NYX: variants seen among roughly 807,000 people sequenced by gnomAD.
The protein encoded by NYX is leucine-rich repeat protein.
For missense variants in NYX, 481 were observed against 485.4 expected (o/e 0.99, Z 0.09); for synonymous variants, 258 against 245.7 (o/e 1.05, Z -0.47).
intron 2 of NYX, among the ~76,000 whole-genome samples, chrX:41,462,433 C>T (rs2064323537): frequency 8.9e-6 from 1 of 112,364 alleles, no homozygotes; most frequent in Admixed American, 9.5e-5. Flanking sequence ...ACAGTCCCAC[C>T]TGTTCCACAT....
At position 41,474,850 on chromosome X, in the gene NYX, T is replaced by C. The variant is rs762009375; in HGVS notation, c.1382T>C (p.Leu461Pro). ...CCCTGGTTTCTCCTCGCCTCTTGTC[T>C]CCTGCCCAGCGTGGCCCAGCACGTG... Reference protein sequence around the residue: ...RQPWFLLASCLLPSVAQHVVF... With the variant: ...RQPWFLLASCPLPSVAQHVVF... The change falls in exon 3 of 3, where the codon CTC (leucine) becomes CCC (proline). Residue 461 changes from leucine (L) to proline (P), a missense_variant. Leu to Pro is a moderately conservative substitution (Grantham distance 98, BLOSUM62 -3). Coordinates refer to ENST00000378220, the MANE Select transcript of NYX (RefSeq NM_001378477.3). The C allele has an allele frequency of 1.7e-6, 2 of 1,207,349 alleles. No individual in the cohort carries two copies. Among genetic ancestry groups the C allele is most frequent in the Non-Finnish European group, 2.2e-6 (2 of 894,265 alleles).
chrX:41,452,482 T>C (rs191165215), intron 2 of NYX, among the ~76,000 whole-genome samples: 113 of 111,714 alleles, frequency 1.0e-3, no homozygotes, highest in African/African-American at 3.6e-3. Context: ...TCAGGCAACA[T>C]GTATGTGAGA....
chrX:41,461,164 C>G (rs1176706022), intron 2 of NYX, among the ~76,000 whole-genome samples: 2 of 107,147 alleles, frequency 1.9e-5, no homozygotes, highest in Non-Finnish European at 3.8e-5. Flanking sequence ...TTTTATCCCT[C>G]ACCCCCTCCC....
chrX:41,464,670 CGTGT>C (rs768617215), intron 2 of NYX, among the ~76,000 whole-genome samples: 15 of 101,834 alleles, frequency 1.5e-4, no homozygotes, highest in Non-Finnish European at 2.8e-4. Flanking sequence ...ATGGGCCGTG[CGTGT>C]GTGTGTGTGT....
At chrX:41,457,510 G>A (rs1184847586) in intron 2 of NYX, among the ~76,000 whole-genome samples, 1 of 109,597 alleles carries the variant, frequency 9.1e-6, no homozygotes, top group African/African-American at 3.3e-5. Flanking sequence ...ACGGTAGTGT[G>A]TTATGGCAGC....
rs2064370871 is a variant in NYX, at chrX:41,473,508, C to G, written c.40C>G (p.Pro14Ala). ...CCCCGCAGCGGTGGTCCTCGGCCTG[C>G]CCAGCGCCTGGGCCGTGGGGGCCTG... The part of the protein sequence containing the change: ...LLLHAVVLGL[P>A]SAWAVGACAR... The change falls in exon 3 of 3, where the codon CCC becomes GCC. Residue 14 changes from proline to alanine, a missense_variant. Transcript: ENST00000378220. The G allele has an allele frequency of 5.1e-6, 5 of 984,888 alleles. No individual in the cohort carries two copies. The highest frequency in any genetic ancestry group is 6.4e-6 in the Non-Finnish European group (5 of 783,648). 81.2% of individuals were successfully genotyped at this position (984,888 alleles called of 1,213,427 possible). A position where few individuals can be genotyped will look rare whatever the true frequency, so the allele number is the denominator to read the frequency against.
chrX:41,448,131 A>C (rs2064264993), intron 2 of NYX, among the ~76,000 whole-genome samples: 1 of 111,847 alleles, frequency 8.9e-6, no homozygotes, highest in Admixed American at 9.5e-5. Flanking sequence ...CCTAAAAACA[A>C]AACTCCTGAG....
At chrX:41,464,697 T>TGTGTGTGTGTG (rs1463315753) in intron 2 of NYX, among the ~76,000 whole-genome samples, 127 of 49,522 alleles carry the variant, frequency 2.6e-3, no homozygotes, top group Non-Finnish European at 3.6e-3. Context: ...GTGTGTGTGT[T>TGTGTGTGTGTG]TTATGTTACT....
intron 2 of NYX, among the ~76,000 whole-genome samples, chrX:41,468,467 T>C (rs1407086067): frequency 9.0e-6 from 1 of 110,905 alleles, no homozygotes; most frequent in East Asian, 2.8e-4. Flanking sequence ...AATTTTTGTA[T>C]TTTTAGTAGA....
chrX:41,474,789 C>A lies in NYX; in HGVS notation c.1321C>A (p.Leu441Ile). ...GLANASLSDS[L>I]SSRGVGGAGR... is the part of the protein sequence containing the mutation. Reference sequence around the variant, plus strand: ...GGCCAACGCCTCCCTGTCCGACAGCCTCTCCTCCCGTGGGGTGGGAGGCGC... The same window carrying A: ...GGCCAACGCCTCCCTGTCCGACAGCATCTCCTCCCGTGGGGTGGGAGGCGC... Residue 441 changes from leucine (L) to isoleucine (I), a missense_variant, in exon 3 of 3, where the codon CTC becomes ATC. Coordinates refer to ENST00000378220, the MANE Select transcript of NYX (RefSeq NM_001378477.3). 1 of 1,200,210 alleles carries A rather than the reference C, an allele frequency of 8.3e-7. No individual in the cohort carries two copies. The highest frequency in any genetic ancestry group is 1.1e-6 in the Non-Finnish European group (1 of 890,617).
At chrX:41,450,010 C>T (rs1377992445) in intron 2 of NYX, among the ~76,000 whole-genome samples, 1 of 110,880 alleles carries the variant, frequency 9.0e-6, no homozygotes, top group East Asian at 2.8e-4. Flanking sequence ...AAAACAACAC[C>T]TTGGAGAAAT....
rs59383905 is a variant in NYX, at chrX:41,460,876, A to ATTT, written c.23-12587_23-12585dup. On this transcript the variant is annotated intron_variant, in intron 2 of 2. Transcript: ENST00000378220. Reference sequence around the variant, plus strand: ...ATGTAAGCGGAGTCACACAGTATGTATTTTTTTTTTTTTTTTTTTTTTTTT... The same window carrying ATTT: ...ATGTAAGCGGAGTCACACAGTATGTATTTTTTTTTTTTTTTTTTTTTTTTTTTT... Among the ~76,000 whole-genome samples, 28 of 24,765 alleles carry ATTT rather than the reference A, an allele frequency of 1.1e-3. 3 individuals carry two copies. The highest frequency in any genetic ancestry group is 1.4e-3 in the Non-Finnish European group (20 of 14,525). The allele number at this position is 24,765 out of a possible 115,157, so 21.5% of individuals were successfully genotyped here.
rs2064384483 is a variant in NYX at position 41,474,855 on chromosome X, C to T, written c.1387C>T (p.Pro463Ser). 1.9e-5 allele frequency: 23 copies of T among 1,206,163 alleles called. No individual in the cohort carries two copies. Among genetic ancestry groups the T allele is most frequent in the Non-Finnish European group, 2.6e-5 (23 of 893,637 alleles). Residue 463 changes from proline (P) to serine (S), a missense_variant, in exon 3 of 3, where the codon CCC becomes TCC. Coordinates refer to ENST00000378220, the MANE Select transcript of NYX (RefSeq NM_001378477.3). ...GTTTCTCCTCGCCTCTTGTCTCCTG[C>T]CCAGCGTGGCCCAGCACGTGGTGTT... Reference protein sequence around the residue: ...PWFLLASCLLPSVAQHVVFGL... With the variant: ...PWFLLASCLLSSVAQHVVFGL...
chrX:41,456,707 T>C (rs1366117901), intron 2 of NYX, among the ~76,000 whole-genome samples: 1 of 112,026 alleles, frequency 8.9e-6, no homozygotes, highest in Non-Finnish European at 1.9e-5. Flanking sequence ...GGTGTTTGAT[T>C]GACAAAGCTA....
chrX:41,456,147 A>C (rs111824552), intron 2 of NYX, among the ~76,000 whole-genome samples: 1 of 111,379 alleles, frequency 9.0e-6, no homozygotes, highest in African/African-American at 3.3e-5. Context: ...GACCAGCCTG[A>C]TCAACATGGT....
In NYX at chrX:41,473,704, C is replaced by G. The variant is rs748730836; in HGVS notation, c.236C>G (p.Thr79Arg). The G allele has an allele frequency of 7.0e-6, 8 of 1,144,384 alleles. No homozygotes were observed. In the South Asian group the frequency reaches 1.4e-4, roughly 19 times the overall value. The allele number at this position is 1,144,384 out of a possible 1,213,427, so 94.3% of individuals were successfully genotyped here. The change falls in exon 3 of 3, where the codon ACG (threonine) becomes AGG (arginine). Residue 79 changes from threonine (T) to arginine (R), a missense_variant. Thr to Arg is a moderately conservative substitution (Grantham distance 71). Coordinates refer to ENST00000378220, the MANE Select transcript of NYX (RefSeq NM_001378477.3). Reference protein sequence around the residue: ...LRFLGERAFGTLPSLRRLSLR... With the variant: ...LRFLGERAFGRLPSLRRLSLR... ...TTCCTGGGCGAGCGAGCCTTCGGCA[C>G]GCTGCCGTCCTTGCGCCGCCTGTCG... is the stretch of plus-strand genomic sequence containing the variant.
rs2064385732 is a variant in NYX, at chrX:41,475,067, G to A, written c.*168G>A. ...AACACAGGGACGTGCCACTCGAGGG[G>A]GAGGATGGTATGGATTTCTGCTTTT... On this transcript the variant is annotated 3_prime_UTR_variant, in exon 3 of 3. Transcript: ENST00000378220. 1.7e-5 allele frequency: 8 copies of A among 483,841 alleles called. No homozygotes were observed. In the South Asian group the frequency reaches 2.1e-4, roughly 13 times the overall value. 39.9% of individuals were successfully genotyped at this position (483,841 alleles called of 1,213,427 possible).
Position 41,465,393 on chromosome X carries a change from C to A in NYX, c.23-8098C>A, listed in dbSNP as rs1160163739. ...GTTCCCTGAAAGCCTTGGTTTTAGG[C>A]TTTTTAAGGGTAGGACTACTTGAGT... is the stretch of plus-strand genomic sequence containing the variant. On this transcript the variant is annotated intron_variant, in intron 2 of 2. Transcript: ENST00000378220. 2.7e-5 allele frequency among the ~76,000 whole-genome samples: 3 copies of A among 110,715 alleles called. No homozygotes were observed. In the Admixed American group the frequency reaches 2.9e-4, roughly 11 times the overall value.
chrX:41,475,158 G>C lies in NYX; in HGVS notation c.*259G>C. 2.4e-6 allele frequency: 1 copy of C among 415,900 alleles called. No homozygotes were observed. The highest frequency in any genetic ancestry group is 4.2e-6 in the Non-Finnish European group (1 of 236,238). 34.3% of individuals were successfully genotyped at this position (415,900 alleles called of 1,213,427 possible). Reference sequence around the variant, plus strand: ...CGTGGGCCCTCGGGTGGGAAGACTAGGAATCGGAAGCTTCTAGGGCTTCAC... The same window carrying C: ...CGTGGGCCCTCGGGTGGGAAGACTACGAATCGGAAGCTTCTAGGGCTTCAC... On this transcript the variant is annotated 3_prime_UTR_variant, in exon 3 of 3. Coordinates refer to ENST00000378220, the MANE Select transcript of NYX (RefSeq NM_001378477.3).
Sources: allele counts gnomAD v4.1 joint callset (sites outside exome capture counted in the v4.1 genomes callset), GRCh38; gene constraint gnomAD v4.1.1; transcripts MANE v1.5; gene names NCBI Gene and HGNC (gene_info 2026-07-23, HGNC 2026-07-21).